Variants in PHAX observed in about 807,000 individuals in gnomAD.
The protein encoded by PHAX is phosphorylated adaptor for RNA export, also known as phosphorylated adapter RNA export protein.
Under a neutral mutation model 41.6 loss-of-function variants are expected in PHAX, and 31 were observed. The ratio of observed to expected loss-of-function variants is 0.75; its 90% CI spans 0.56 to 1.01. PHAX has a LOEUF of 1.01. Among genes scored for constraint, PHAX ranks in the 50% least tolerant of loss-of-function variants. The probability of loss-of-function intolerance (pLI) is 0.00; values close to 1 mark genes in which losing one functional copy is unlikely to be tolerated. For missense variants in PHAX, 453 were observed against 472.9 expected (o/e 0.96, Z 0.39); for synonymous variants, 175 against 164.9 (o/e 1.06, Z -0.47).
At chr5:126,623,374 C>T (rs1752300064) in intron 4 of PHAX, among the ~76,000 whole-genome samples, 1 of 152,070 alleles carries the variant, frequency 6.6e-6, no homozygotes, top group Non-Finnish European at 1.5e-5. Context: ...TAATCTTGTG[C>T]CTCATTTTCC....
rs549859757 is a variant in PHAX at position 126,612,465 on chromosome 5, C to T, written c.831+3981C>T. ...CTGTAATCCCACCACTTTGGGAGAC[C>T]GAGGTGGGCGGATCACCTGAGGTCA... is the stretch of plus-strand genomic sequence containing the variant. On this transcript the variant is annotated intron_variant, in intron 3 of 4. Transcript: ENST00000297540. 1.7e-3 allele frequency among the ~76,000 whole-genome samples: 265 copies of T among 152,092 alleles called. 2 individuals are homozygous for T. The highest frequency in any genetic ancestry group is 6.1e-3 in the African/African-American group (254 of 41,492).
intron 4 of PHAX, among the ~76,000 whole-genome samples, chr5:126,618,850 G>C (rs1342767266): frequency 6.6e-6 from 1 of 151,804 alleles, no homozygotes; most frequent in African/African-American, 2.4e-5. Flanking sequence ...GTAGAGATGG[G>C]GTTTCACCAT....
intron 2 of PHAX, among the ~76,000 whole-genome samples, chr5:126,605,982 T>A (rs1751981809): frequency 6.6e-6 from 1 of 152,182 alleles, no homozygotes; most frequent in Non-Finnish European, 1.5e-5. Context: ...CCCAGTAAGA[T>A]CCCTTATGTC....
intron 3 of PHAX, among the ~76,000 whole-genome samples, chr5:126,609,169 C>T (rs922079760): frequency 7.3e-5 from 10 of 136,916 alleles, no homozygotes; most frequent in Admixed American, 6.5e-4. Context: ...GGCGCAATCT[C>T]GGCTCACTGC....
rs932768653 is a variant in PHAX, at chr5:126,625,934, A to G, written c.*1090A>G. On this transcript the variant is annotated 3_prime_UTR_variant, in exon 5 of 5. Coordinates refer to ENST00000297540, the MANE Select transcript of PHAX (RefSeq NM_032177.4). ...CTGGTCTCGAACTCCTGGCCTAATG[A>G]TCTGCCCACCTCTGCCTCCCAAAGT... 3 of 152,118 alleles carry G rather than the reference A, an allele frequency of 2.0e-5. No homozygotes were observed. Among genetic ancestry groups the G allele is most frequent in the Non-Finnish European group, 2.9e-5 (2 of 68,048 alleles). The allele number at this position is 152,118 out of a possible 1,614,324, so 9.4% of individuals were successfully genotyped here.
At chr5:126,624,431 T>G in intron 4 of PHAX, 144 bp from the exon 5 acceptor site, 1 of 701,776 alleles carries the variant, frequency 1.4e-6, no homozygotes, top group South Asian at 2.0e-5. Flanking sequence ...TTACTTAATA[T>G]CTTGAACTCC....
intron 4 of PHAX, 115 bp downstream of exon 4, chr5:126,617,448 G>T: frequency 1.7e-6 from 1 of 578,850 alleles, no homozygotes; most frequent in Non-Finnish European, 3.1e-6. Context: ...GACTGATTTT[G>T]TTATTATCTT....
intron 1 of PHAX, among the ~76,000 whole-genome samples, chr5:126,601,440 C>G (rs1292741919): frequency 6.6e-6 from 1 of 152,216 alleles, no homozygotes; most frequent in Non-Finnish European, 1.5e-5. Context: ...GGCTTCCCCA[C>G]TCCATCGCCG....
chr5:126,603,978 A>G lies in PHAX; in HGVS notation c.505A>G (p.Lys169Glu). The G allele has an allele frequency of 6.2e-7, 1 of 1,614,166 alleles. No individual in the cohort carries two copies. The highest frequency in any genetic ancestry group is 1.1e-5 in the South Asian group (1 of 91,080). The change falls in exon 2 of 5, where the codon AAA (lysine) becomes GAA (glutamate). Residue 169 changes from lysine to glutamate, a missense_variant. Lys to Glu is a moderately conservative substitution (Grantham distance 56). Transcript: ENST00000297540. ...TAGGAAGGAATCTCAAGAGCATACA[A>G]AAGATCTAGACAAGGAACTAGATGA... The part of the protein sequence containing the change: ...KLRKESQEHT[K>E]DLDKELDEYM...
At chr5:126,624,008 G>GTT (rs543154844) in intron 4 of PHAX, among the ~76,000 whole-genome samples, 1,569 of 130,160 alleles carry the variant, frequency 0.012, 27 homozygotes, top group Admixed American at 0.036. Flanking sequence ...TTGGTTTTGG[G>GTT]TTTTTTTTTT....
chr5:126,606,889 T>C (rs1485485732), intron 2 of PHAX, among the ~76,000 whole-genome samples: 1 of 152,060 alleles, frequency 6.6e-6, no homozygotes, highest in Admixed American at 6.6e-5. Context: ...ACTTCTAACC[T>C]CAGATGATCC....
chr5:126,603,395 A>C (rs180968915), intron 1 of PHAX, among the ~76,000 whole-genome samples, 175 bp from the exon 2 acceptor site: 1 of 152,374 alleles, frequency 6.6e-6, no homozygotes, highest in African/African-American at 2.4e-5. Flanking sequence ...TGTGGCTTTT[A>C]AATTGGCAAA....
chr5:126,604,020 A>C lies in PHAX; in HGVS notation c.547A>C (p.Lys183Gln). The C allele has an allele frequency of 6.2e-7, 1 of 1,613,786 alleles. No individual in the cohort carries two copies. The highest frequency in any genetic ancestry group is 8.5e-7 in the Non-Finnish European group (1 of 1,179,856). Residue 183 changes from lysine to glutamine, a missense_variant, in exon 2 of 5, where the codon AAA becomes CAA. By Grantham distance (53) the Lys-to-Gln change is moderately conservative. Coordinates refer to ENST00000297540, the MANE Select transcript of PHAX (RefSeq NM_032177.4). ...ACTAGATGAATATATGCATGGTGGC[A>C]AAAAAATGGGATCAAAGGAAGAGGA... ...KELDEYMHGG[K>Q]KMGSKEEENG...
intron 2 of PHAX, among the ~76,000 whole-genome samples, chr5:126,607,388 CTTTTTTTTTTTTTTT>C (rs58375322): frequency 2.3e-5 from 2 of 85,392 alleles, no homozygotes; most frequent in East Asian, 3.3e-4. Context: ...GGTCTGAATT[CTTTTTTTTTTTTTTT>C]TTTTTTTTTT....
rs1019162270 is a variant in PHAX, at chr5:126,616,162, G to A, written c.832-1088G>A. ...GGCTAGAGTGCAATGGCACAGTCTC[G>A]GTTCACTGCAACCTCCACCTCCTGG... On this transcript the variant is annotated intron_variant, in intron 3 of 4. Coordinates refer to ENST00000297540, the MANE Select transcript of PHAX (RefSeq NM_032177.4). Among the ~76,000 whole-genome samples, 5 of 150,962 alleles carry A rather than the reference G, an allele frequency of 3.3e-5. No homozygotes were observed. In the East Asian group the frequency reaches 5.8e-4, roughly 18 times the overall value.
chr5:126,624,967 T>A lies in PHAX; in HGVS notation c.*123T>A, dbSNP rs1393451846. 1.0e-5 allele frequency: 9 copies of A among 879,498 alleles called. No homozygotes were observed. The highest frequency in any genetic ancestry group is 1.5e-5 in the Non-Finnish European group (9 of 583,322). The allele number at this position is 879,498 out of a possible 1,614,324, so 54.5% of individuals were successfully genotyped here. A position where few individuals can be genotyped will look rare whatever the true frequency, so the allele number is the denominator to read the frequency against. On this transcript the variant is annotated 3_prime_UTR_variant, in exon 5 of 5. Transcript: ENST00000297540. ...GAATCTGGAGGAAAGACAATTGTTT[T>A]CTTGTTTAAAATATGTGTGGAAAGG...
rs559655163 is a variant in PHAX, at chr5:126,620,088, A to G, written c.915+2755A>G. 7.2e-5 allele frequency among the ~76,000 whole-genome samples: 11 copies of G among 152,282 alleles called. No homozygotes were observed. The East Asian group carries it at 2.1e-3, about 29-fold the overall frequency. Reference sequence around the variant, plus strand: ...ATCTGCTCAGTGTTCTTTTTCCTTAAGTTTTCTGGCTGTTCTCTTAACAGT... The same window carrying G: ...ATCTGCTCAGTGTTCTTTTTCCTTAGGTTTTCTGGCTGTTCTCTTAACAGT... On this transcript the variant is annotated intron_variant, in intron 4 of 4. Transcript: ENST00000297540.
intron 3 of PHAX, among the ~76,000 whole-genome samples, chr5:126,611,145 T>C (rs1323824615): frequency 6.6e-6 from 1 of 151,576 alleles, no homozygotes; most frequent in Non-Finnish European, 1.5e-5. Context: ...AACCTCTGCC[T>C]CCCGGGTTCA....
rs144490172 is a variant in PHAX, at chr5:126,608,007, C to A, written c.711-357C>A. On this transcript the variant is annotated intron_variant, in intron 2 of 4. Transcript: ENST00000297540. ...AATTATGTGAGCCTTAGCTTTTAGG[C>A]GTAATAATTGAAAGTATATATGTCT... Among the ~76,000 whole-genome samples, 789 of 152,216 alleles carry A rather than the reference C, an allele frequency of 5.2e-3. 4 individuals are homozygous for A. Among genetic ancestry groups the A allele is most frequent in the African/African-American group, 0.019 (771 of 41,518 alleles).
Sources: allele counts gnomAD v4.1 joint callset (sites outside exome capture counted in the v4.1 genomes callset), GRCh38; gene constraint gnomAD v4.1.1; transcripts MANE v1.5; gene names NCBI Gene and HGNC (gene_info 2026-07-23, HGNC 2026-07-21).